Variants in TMTC1 observed in about 807,000 individuals in gnomAD.
TMTC1 encodes transmembrane O-mannosyltransferase targeting cadherins 1.
In TMTC1, 73 loss-of-function variants were observed where a neutral mutation model predicts 104.8. The observed-to-expected ratio is 0.70, with a 90% CI of 0.58 to 0.85. The LOEUF is 0.85. Among genes scored for constraint, TMTC1 ranks in the 40% least tolerant of loss-of-function variants. The probability of loss-of-function intolerance (pLI) is 0.00; values close to 1 mark genes in which losing one functional copy is unlikely to be tolerated. For synonymous variants in TMTC1, 434 were observed against 428.7 expected (o/e 1.01, Z -0.15); for missense variants, 1,035 against 1,096.1 (o/e 0.94, Z 0.79).
At chr12:29,616,799 T>TA (rs1353723966) in intron 6 of TMTC1, among the ~76,000 whole-genome samples, 3 of 151,906 alleles carry the variant, frequency 2.0e-5, no homozygotes, top group African/African-American at 4.8e-5. Context: ...TCTATCTGCA[T>TA]AGTGGTGGCT....
rs140610317 is a variant in TMTC1, at chr12:29,650,946, G to C, written c.939-17610C>G. Among the ~76,000 whole-genome samples the C allele has an allele frequency of 1.1e-4, 17 of 152,322 alleles. No homozygotes were observed. In the East Asian group the frequency reaches 3.3e-3, roughly 29 times the overall value. On this transcript the variant is annotated intron_variant, in intron 5 of 17. Transcript: ENST00000539277. ...AAAACGATCTTCTTCAACATTTCTT[G>C]TTGTTGTTTCAAAAGAAAACACCAC...
At chr12:29,703,462 T>C (rs956725247) in intron 5 of TMTC1, among the ~76,000 whole-genome samples, 2 of 152,238 alleles carry the variant, frequency 1.3e-5, no homozygotes, top group African/African-American at 4.8e-5. Flanking sequence ...TTATTGTCAG[T>C]AGACTCTAAT....
intron 11 of TMTC1, among the ~76,000 whole-genome samples, chr12:29,531,476 C>T (rs1240889330): frequency 1.3e-5 from 2 of 152,100 alleles, no homozygotes; most frequent in South Asian, 2.1e-4. Flanking sequence ...AGGCTATCAA[C>T]GTGGGGCTAG....
intron 5 of TMTC1, among the ~76,000 whole-genome samples, chr12:29,686,495 T>A (rs1187893262): frequency 6.6e-6 from 1 of 152,192 alleles, no homozygotes; most frequent in African/African-American, 2.4e-5. Context: ...ACTCCCTCTG[T>A]GGCTGACTTC....
chr12:29,556,948 C>G lies in TMTC1; in HGVS notation c.1585G>C (p.Asp529His). 2 of 1,614,162 alleles carry G rather than the reference C, an allele frequency of 1.2e-6. No homozygotes were observed. Among genetic ancestry groups the G allele is most frequent in the Non-Finnish European group, 1.7e-6 (2 of 1,180,016 alleles). Reference protein sequence around the residue: ...ALNNLGTLTRDTAEAKMYYQR... With the variant: ...ALNNLGTLTRHTAEAKMYYQR... ...TAGTACATCTTTGCCTCTGCTGTGTCTCTCGTCAGTGTTCCAAGGTTGTTG... is the reference window on the plus strand; with the variant it reads ...TAGTACATCTTTGCCTCTGCTGTGTGTCTCGTCAGTGTTCCAAGGTTGTTG... Residue 529 changes from aspartate (D) to histidine (H), a missense_variant, in exon 10 of 18, where the codon GAC (aspartate) becomes CAC (histidine). Coordinates refer to ENST00000539277, the MANE Select transcript of TMTC1 (RefSeq NM_001193451.2).
At chr12:29,649,637 A>T (rs1418931144) in intron 5 of TMTC1, among the ~76,000 whole-genome samples, 2 of 152,270 alleles carry the variant, frequency 1.3e-5, no homozygotes, top group Non-Finnish European at 2.9e-5. Flanking sequence ...GATATTTCAC[A>T]GTATAAATTC....
intron 6 of TMTC1, 26 bp from the exon 7 acceptor site, chr12:29,604,325 C>T: frequency 6.2e-7 from 1 of 1,613,036 alleles, no homozygotes; most frequent in Non-Finnish European, 8.5e-7. Context: ...GTGAAGGAAA[C>T]ATTAACTTCT....
At chr12:29,532,377 C>A in intron 11 of TMTC1, among the ~76,000 whole-genome samples, 1 of 151,448 alleles carries the variant, frequency 6.6e-6, no homozygotes, top group Non-Finnish European at 1.5e-5. Context: ...GGAAATGATT[C>A]AAAATATTGT....
intron 1 of TMTC1, among the ~76,000 whole-genome samples, chr12:29,773,045 G>A (rs1014678958): frequency 2.0e-5 from 3 of 152,098 alleles, no homozygotes; most frequent in African/African-American, 7.2e-5. Flanking sequence ...AGGCCAAGCA[G>A]TAGGAAATAA....
intron 5 of TMTC1, among the ~76,000 whole-genome samples, chr12:29,643,230 T>C (rs977424263): frequency 1.3e-5 from 2 of 151,692 alleles, no homozygotes; most frequent in Non-Finnish European, 2.9e-5. Flanking sequence ...TGGAAAACAA[T>C]GTGGAGATTC....
chr12:29,571,496 G>T (rs1185522581), intron 9 of TMTC1, among the ~76,000 whole-genome samples: 1 of 151,560 alleles, frequency 6.6e-6, no homozygotes, highest in East Asian at 2.0e-4. Flanking sequence ...TAAATTTTTA[G>T]TTTCTCTTGA....
intron 5 of TMTC1, among the ~76,000 whole-genome samples, chr12:29,647,359 G>A (rs12815417): frequency 0.12 from 18,049 of 152,166 alleles, 1,079 homozygotes; most frequent in African/African-American, 0.14. Context: ...AACATGTTTC[G>A]AAGGCTTTGT....
chr12:29,694,064 A>C (rs559524970), intron 5 of TMTC1, among the ~76,000 whole-genome samples: 27 of 152,318 alleles, frequency 1.8e-4, no homozygotes, highest in Admixed American at 5.2e-4. Context: ...GCTGCAGCTT[A>C]ATACTGGCAT....
At chr12:29,528,886 ATT>A (rs1315232628) in intron 11 of TMTC1, among the ~76,000 whole-genome samples, 1 of 151,780 alleles carries the variant, frequency 6.6e-6, no homozygotes, top group Admixed American at 6.6e-5. Context: ...TAAATAATAT[ATT>A]TATATAAAAA....
intron 5 of TMTC1, among the ~76,000 whole-genome samples, chr12:29,722,266 A>T (rs1282326363): frequency 6.6e-6 from 1 of 152,182 alleles, no homozygotes; most frequent in Non-Finnish European, 1.5e-5. Context: ...AACTTTTATA[A>T]ATGTTGATCA....
intron 5 of TMTC1, among the ~76,000 whole-genome samples, chr12:29,707,315 G>GA (rs34214192): frequency 3.9e-5 from 6 of 152,076 alleles, no homozygotes; most frequent in South Asian, 2.1e-4. Flanking sequence ...TTTCCTTCCA[G>GA]AAAAAAAGCT....
At chr12:29,557,333 G>A (rs1015533610) in intron 9 of TMTC1, among the ~76,000 whole-genome samples, 1 of 152,208 alleles carries the variant, frequency 6.6e-6, no homozygotes, top group African/African-American at 2.4e-5. Flanking sequence ...TAAGTTTCTA[G>A]CCTGAGTTTG....
At chr12:29,508,698 C>T (rs181367455) in intron 17 of TMTC1, among the ~76,000 whole-genome samples, 370 of 152,138 alleles carry the variant, frequency 2.4e-3, no homozygotes, top group Non-Finnish European at 4.0e-3. Flanking sequence ...CTCAGCCTCC[C>T]GAGTAGCTGG....
chr12:29,756,484 T>G (rs1321484683), intron 3 of TMTC1, among the ~76,000 whole-genome samples: 1 of 152,250 alleles, frequency 6.6e-6, no homozygotes, highest in Non-Finnish European at 1.5e-5. Flanking sequence ...CATTTCTCTC[T>G]GGGATGAAAA....
Sources: gnomAD v4.1 joint callset for allele counts (sites outside exome capture counted in the v4.1 genomes callset) on GRCh38, gnomAD v4.1.1 for gene constraint, MANE v1.5 for transcripts, NCBI Gene and HGNC (gene_info 2026-07-23, HGNC 2026-07-21) for gene names.